The following KLHL29 variants were observed in gnomAD, a reference collection of about 807,000 sequenced individuals.
The protein encoded by KLHL29 is kelch like family member 29.
A neutral mutation model predicts 80.4 loss-of-function variants in KLHL29; 21 were observed. The observed-to-expected ratio is 0.26, with a 90% CI of 0.19 to 0.38. The LOEUF (loss-of-function observed/expected upper bound fraction) is 0.38, where lower values mean the gene tolerates loss of function less well. Among genes scored for constraint, KLHL29 ranks in the 10% least tolerant of loss-of-function variants. The probability of loss-of-function intolerance (pLI) is 1.00; values close to 1 mark genes in which losing one functional copy is unlikely to be tolerated. For synonymous variants in KLHL29, 511 were observed against 526.8 expected (o/e 0.97, Z 0.41); for missense variants, 867 against 1,223.9 (o/e 0.71, Z 4.35).
intron 5 of KLHL29, among the ~76,000 whole-genome samples, chr2:23,683,510 T>C (rs1467579875): frequency 2.0e-5 from 3 of 152,086 alleles, no homozygotes; most frequent in South Asian, 2.1e-4. Flanking sequence ...CTTCCCTCCT[T>C]CTCCTTTCTA....
At chr2:23,544,733 A>G (rs1304184481) in intron 2 of KLHL29, among the ~76,000 whole-genome samples, 2 of 152,152 alleles carry the variant, frequency 1.3e-5, no homozygotes, top group Admixed American at 6.5e-5. Context: ...CCGTGTGGAT[A>G]GTGGGGAGGA....
intron 1 of KLHL29, among the ~76,000 whole-genome samples, chr2:23,414,324 T>C (rs1038972004): frequency 6.7e-6 from 1 of 148,840 alleles, no homozygotes; most frequent in Non-Finnish European, 1.5e-5. Flanking sequence ...CACTAGGGGC[T>C]GTGGGGGCCG....
chr2:23,698,241 G>A (rs777870510), intron 11 of KLHL29, among the ~76,000 whole-genome samples: 2 of 150,066 alleles, frequency 1.3e-5, no homozygotes, highest in Non-Finnish European at 3.0e-5. Flanking sequence ...AGGGTGCCCT[G>A]AAGGGCCCTG....
At chr2:23,620,757 A>G (rs1669157009) in intron 3 of KLHL29, among the ~76,000 whole-genome samples, 1 of 152,234 alleles carries the variant, frequency 6.6e-6, no homozygotes, top group Admixed American at 6.5e-5. Flanking sequence ...GTCCCCATCC[A>G]GAGGTGGGAG....
intron 1 of KLHL29, among the ~76,000 whole-genome samples, chr2:23,405,680 A>G (rs1666709250): frequency 6.6e-6 from 1 of 152,214 alleles, no homozygotes; most frequent in Non-Finnish European, 1.5e-5. Context: ...AGACTCGAGC[A>G]GGAGATGGTT....
intron 2 of KLHL29, among the ~76,000 whole-genome samples, chr2:23,554,485 G>T (rs1055547271): frequency 1.3e-5 from 2 of 152,186 alleles, no homozygotes; most frequent in African/African-American, 4.8e-5. Flanking sequence ...CTCACAGCCG[G>T]CCGCCCACTC....
At chr2:23,622,689 T>G (rs995646748) in intron 3 of KLHL29, among the ~76,000 whole-genome samples, 1 of 152,206 alleles carries the variant, frequency 6.6e-6, no homozygotes, top group Admixed American at 6.5e-5. Flanking sequence ...TCCTCATCCC[T>G]GCACTTGGGG....
rs562690903 is a variant in KLHL29 at position 23,413,750 on chromosome 2, C to T, written c.-154+27970C>T. On this transcript the variant is annotated intron_variant, in intron 1 of 13. Coordinates refer to ENST00000486442, the MANE Select transcript of KLHL29 (RefSeq NM_052920.2). Reference sequence around the variant, plus strand: ...TCCCTTTGTAAGCTGTGCATCTGTCCCCACCAAGCCCGGTGCTCTGAAGGT... The same window carrying T: ...TCCCTTTGTAAGCTGTGCATCTGTCTCCACCAAGCCCGGTGCTCTGAAGGT... Among the ~76,000 whole-genome samples the T allele has an allele frequency of 1.2e-4, 18 of 152,292 alleles. No individual in the cohort carries two copies. The South Asian group carries it at 3.1e-3, about 26-fold the overall frequency.
intron 2 of KLHL29, 31 bp downstream of exon 2, chr2:23,475,698 A>G (rs1664615119): frequency 6.0e-6 from 1 of 167,004 alleles, no homozygotes; most frequent in Non-Finnish European, 1.5e-5. Flanking sequence ...CCTGGAAATA[A>G]GAAAGGCATC....
chr2:23,549,581 C>T lies in KLHL29; in HGVS notation c.-45-12571C>T, dbSNP rs572393804. Among the ~76,000 whole-genome samples the T allele has an allele frequency of 1.6e-3, 249 of 152,222 alleles. 1 individual carries two copies. The highest frequency in any genetic ancestry group is 5.6e-3 in the African/African-American group (234 of 41,532). On this transcript the variant is annotated intron_variant, in intron 2 of 13. Transcript: ENST00000486442. Reference sequence around the variant, plus strand: ...CAACTTCAAAACAAAGAAGGCTGTGCGGTTGGAGACAGCCTGGTACTGAGG... The same window carrying T: ...CAACTTCAAAACAAAGAAGGCTGTGTGGTTGGAGACAGCCTGGTACTGAGG...
intron 5 of KLHL29, among the ~76,000 whole-genome samples, chr2:23,663,483 G>C (rs1477218679): frequency 6.6e-6 from 1 of 152,240 alleles, no homozygotes; most frequent in African/African-American, 2.4e-5. Flanking sequence ...GCCCGCGGAG[G>C]TGGCGCGTCT....
chr2:23,666,510 G>C (rs1670557503), intron 5 of KLHL29, among the ~76,000 whole-genome samples: 1 of 152,204 alleles, frequency 6.6e-6, no homozygotes. Context: ...GGTTGCAGAA[G>C]TTGCTTATCC....
chr2:23,459,346 C>T (rs1044363601), intron 1 of KLHL29, among the ~76,000 whole-genome samples: 3 of 151,946 alleles, frequency 2.0e-5, no homozygotes, highest in Admixed American at 6.6e-5. Context: ...AGAGGTGGGA[C>T]TGGAGAGAAT....
At chr2:23,628,855 C>G (rs1466350819) in intron 3 of KLHL29, among the ~76,000 whole-genome samples, 1 of 151,820 alleles carries the variant, frequency 6.6e-6, no homozygotes, top group South Asian at 2.1e-4. Context: ...GTGTGATGTG[C>G]GTCTGCGAGT....
intron 1 of KLHL29, among the ~76,000 whole-genome samples, chr2:23,388,678 A>T (rs550929113): frequency 1.3e-5 from 2 of 152,140 alleles, no homozygotes; most frequent in Admixed American, 1.3e-4. Context: ...AACCATTCCT[A>T]GTTTAAAGTA....
intron 3 of KLHL29, among the ~76,000 whole-genome samples, chr2:23,571,347 A>T (rs1228371289): frequency 6.6e-6 from 1 of 152,218 alleles, no homozygotes; most frequent in Non-Finnish European, 1.5e-5. Flanking sequence ...CAGGCCTGAC[A>T]AAGTGACCTC....
chr2:23,600,149 G>T (rs529485517), intron 3 of KLHL29, among the ~76,000 whole-genome samples: 1 of 152,318 alleles, frequency 6.6e-6, no homozygotes, highest in Admixed American at 6.5e-5. Flanking sequence ...GAGCTGTGAG[G>T]CCATTCAGAT....
chr2:23,575,946 G>T (rs1473095031), intron 3 of KLHL29, among the ~76,000 whole-genome samples: 1 of 152,190 alleles, frequency 6.6e-6, no homozygotes, highest in African/African-American at 2.4e-5. Flanking sequence ...TCTAGCACCC[G>T]CAAGAGCTGG....
chr2:23,398,901 G>A (rs1666521899), intron 1 of KLHL29, among the ~76,000 whole-genome samples: 1 of 152,188 alleles, frequency 6.6e-6, no homozygotes, highest in South Asian at 2.1e-4. Context: ...AAGCATACAG[G>A]CCCTGGCATC....
Sources: allele counts gnomAD v4.1 joint callset (sites outside exome capture counted in the v4.1 genomes callset), GRCh38; gene constraint gnomAD v4.1.1; transcripts MANE v1.5; gene names NCBI Gene and HGNC (gene_info 2026-07-23, HGNC 2026-07-21).